The following LIN52 variants were observed in gnomAD, a reference collection of about 807,000 sequenced individuals.
LIN52 encodes lin-52 DREAM MuvB core complex component, also known as protein lin-52 homolog.
A neutral mutation model predicts 18.5 loss-of-function variants in LIN52; 4 were observed. That is an observed-to-expected ratio of 0.22 (90% CI 0.11 to 0.49). LIN52 has a LOEUF of 0.49. Among genes scored for constraint, LIN52 ranks in the 20% least tolerant of loss-of-function variants. The pLI is 0.97. For synonymous variants in LIN52, 34 were observed against 45.5 expected (o/e 0.75, Z 1.02); for missense variants, 102 against 139.5 (o/e 0.73, Z 1.35).
At chr14:74,156,181 A>C (rs758303727) in intron 5 of LIN52, among the ~76,000 whole-genome samples, 2 of 152,240 alleles carry the variant, frequency 1.3e-5, no homozygotes, top group Non-Finnish European at 1.5e-5. Context: ...AAGTCATATT[A>C]ATGTAAGAAA....
At position 74,093,321 on chromosome 14, in the gene LIN52, C is replaced by CTT. The variant is rs1295151671; in HGVS notation, c.94+2034_94+2035dup. On this transcript the variant is annotated intron_variant, in intron 2 of 5. Transcript: ENST00000555028. ...CGTTTTCTCACCTTTTTCAATCACT[C>CTT]TTTTTTTTTTTTTTTTTTTTGAGAT... Among the ~76,000 whole-genome samples the CTT allele has an allele frequency of 1.6e-3, 189 of 120,502 alleles. 3 individuals are homozygous for CTT. The highest frequency in any genetic ancestry group is 2.1e-3 in the Non-Finnish European group (119 of 57,472). 79.1% of individuals were successfully genotyped at this position (120,502 alleles called of 152,430 possible). A position where few individuals can be genotyped will look rare whatever the true frequency, so the allele number is the denominator to read the frequency against.
chr14:74,182,677 T>G (rs2061323348), intron 5 of LIN52, among the ~76,000 whole-genome samples: 1 of 152,178 alleles, frequency 6.6e-6, no homozygotes, highest in South Asian at 2.1e-4. Flanking sequence ...AAGCTATTCC[T>G]TTTTGTGACT....
rs567104728 is a variant in LIN52 at position 74,172,044 on chromosome 14, A to G, written c.284-26878A>G. 2.0e-5 allele frequency among the ~76,000 whole-genome samples: 3 copies of G among 152,286 alleles called. No homozygotes were observed. The South Asian group carries it at 6.2e-4, about 32-fold the overall frequency. On this transcript the variant is annotated intron_variant, in intron 5 of 5. Coordinates refer to ENST00000555028, the MANE Select transcript of LIN52 (RefSeq NM_001024674.3). Reference sequence around the variant, plus strand: ...GAGCCACTGCTCTCGGCCCATTTTAATTCTTAAAGCAAACTTAAGTCATAT... The same window carrying G: ...GAGCCACTGCTCTCGGCCCATTTTAGTTCTTAAAGCAAACTTAAGTCATAT...
chr14:74,175,619 C>G (rs2061289402), intron 5 of LIN52, among the ~76,000 whole-genome samples: 1 of 151,708 alleles, frequency 6.6e-6, no homozygotes, highest in South Asian at 2.1e-4. Context: ...ATTGCTTGAG[C>G]CCAGGAGTGT....
At chr14:74,198,870 T>C in intron 5 of LIN52, 52 bp from the exon 6 acceptor site, 3 of 1,310,216 alleles carry the variant, frequency 2.3e-6, no homozygotes, top group South Asian at 1.2e-5. Context: ...CCTATGATTC[T>C]TTTTTCCGAT....
intron 5 of LIN52, among the ~76,000 whole-genome samples, chr14:74,127,433 C>G (rs1411612476): frequency 1.3e-5 from 2 of 152,112 alleles, no homozygotes; most frequent in African/African-American, 4.8e-5. Context: ...TGAAAGAAGA[C>G]TAATATGAAT....
intron 5 of LIN52, among the ~76,000 whole-genome samples, chr14:74,166,968 C>G (rs1440454701): frequency 6.6e-6 from 1 of 151,924 alleles, no homozygotes; most frequent in African/African-American, 2.4e-5. Context: ...TCTGTCAGTC[C>G]CAGGTGGCCT....
intron 5 of LIN52, among the ~76,000 whole-genome samples, chr14:74,144,364 C>G (rs1426438305): frequency 1.3e-5 from 2 of 151,916 alleles, no homozygotes; most frequent in African/African-American, 4.8e-5. Context: ...TGGGCTCAAT[C>G]AATCCTCCCA....
chr14:74,199,193 A>G lies in LIN52; in HGVS notation c.*216A>G, dbSNP rs1285312262. The G allele has an allele frequency of 2.1e-5, 9 of 433,572 alleles. No individual in the cohort carries two copies. Among genetic ancestry groups the G allele is most frequent in the Admixed American group, 1.7e-4 (4 of 24,126 alleles). 26.9% of individuals were successfully genotyped at this position (433,572 alleles called of 1,614,324 possible). The stretch of plus-strand genomic sequence containing the variant: ...CAAGGATCATTGCAGTTACTCAATC[A>G]ACTTTCAGACTTGAACCTTCTTAGC... On this transcript the variant is annotated 3_prime_UTR_variant, in exon 6 of 6. Transcript: ENST00000555028.
At chr14:74,096,511 TA>T (rs758845929) in intron 3 of LIN52, among the ~76,000 whole-genome samples, 4 of 151,984 alleles carry the variant, frequency 2.6e-5, no homozygotes, top group Non-Finnish European at 4.4e-5. Flanking sequence ...TTGTTTTTTT[TA>T]ATGTGAAAAA....
At position 74,199,384 on chromosome 14, in the gene LIN52, T is replaced by TTTA. The variant is rs2078933348; in HGVS notation, c.*407_*408insTTA. On this transcript the variant is annotated 3_prime_UTR_variant, in exon 6 of 6. Coordinates refer to ENST00000555028, the MANE Select transcript of LIN52 (RefSeq NM_001024674.3). ...TGGATGGGTTCTTTTGAATTGTTCT[T>TTTA]GATCTCTTAGAAAGTGTTTACGATG... The TTTA allele has an allele frequency of 2.5e-5, 4 of 162,138 alleles. No homozygotes were observed. In the Admixed American group the frequency reaches 2.5e-4, roughly 10 times the overall value. The allele number at this position is 162,138 out of a possible 1,614,324, so 10.0% of individuals were successfully genotyped here. A position where few individuals can be genotyped will look rare whatever the true frequency, so the allele number is the denominator to read the frequency against.
At chr14:74,164,113 C>T (rs1183129880) in intron 5 of LIN52, among the ~76,000 whole-genome samples, 2 of 151,974 alleles carry the variant, frequency 1.3e-5, no homozygotes, top group African/African-American at 4.8e-5. Flanking sequence ...TCCGGAGTAG[C>T]TGGGACTACA....
chr14:74,199,121 C>G lies in LIN52; in HGVS notation c.*144C>G. On this transcript the variant is annotated 3_prime_UTR_variant, in exon 6 of 6. Transcript: ENST00000555028. ...TGCCCTCTCCCCTGCTCCTGGCACT[C>G]TACACGTCTGAGGACATTCAGCAGC... is the stretch of plus-strand genomic sequence containing the variant. 1.6e-6 allele frequency: 1 copy of G among 611,216 alleles called. No homozygotes were observed. Among genetic ancestry groups the G allele is most frequent in the Admixed American group, 2.9e-5 (1 of 34,434 alleles). The allele number at this position is 611,216 out of a possible 1,614,324, so 37.9% of individuals were successfully genotyped here.
intron 5 of LIN52, among the ~76,000 whole-genome samples, chr14:74,118,428 A>T (rs2060976989): frequency 6.6e-6 from 1 of 152,208 alleles, no homozygotes; most frequent in Non-Finnish European, 1.5e-5. Context: ...CAACTCAATG[A>T]TTTTCATAAA....
chr14:74,157,448 T>C (rs2061204237), intron 5 of LIN52, among the ~76,000 whole-genome samples: 1 of 60,658 alleles, frequency 1.6e-5, no homozygotes, highest in Non-Finnish European at 4.2e-5. Context: ...TCCTGCTATA[T>C]ATATATATAT....
At chr14:74,086,726 G>A (rs954968016) in intron 1 of LIN52, among the ~76,000 whole-genome samples, 1 of 152,012 alleles carries the variant, frequency 6.6e-6, no homozygotes, top group African/African-American at 2.4e-5. Flanking sequence ...GCCTGGGTGC[G>A]CTCTTGCAAA....
chr14:74,150,503 C>G (rs2061171899), intron 5 of LIN52, among the ~76,000 whole-genome samples: 1 of 151,998 alleles, frequency 6.6e-6, no homozygotes, highest in Admixed American at 6.6e-5. Context: ...TGATACAAAT[C>G]CAAATAATGG....
chr14:74,121,194 C>T (rs1021824710), intron 5 of LIN52, among the ~76,000 whole-genome samples: 3 of 152,200 alleles, frequency 2.0e-5, no homozygotes, highest in African/African-American at 7.2e-5. Context: ...TCATTATAAC[C>T]CAACAGAAAT....
At chr14:74,091,129 A>G (rs989036774) in intron 1 of LIN52, 103 bp from the exon 2 acceptor site, 8 of 726,100 alleles carry the variant, frequency 1.1e-5, no homozygotes, top group Non-Finnish European at 1.6e-5. Flanking sequence ...TCATATCTCT[A>G]GACTTCCAGG....
Sources: gnomAD v4.1 joint callset for allele counts (sites outside exome capture counted in the v4.1 genomes callset) on GRCh38, gnomAD v4.1.1 for gene constraint, MANE v1.5 for transcripts, NCBI Gene and HGNC (gene_info 2026-07-23, HGNC 2026-07-21) for gene names.